The following DIAPH2 variants were observed in gnomAD, a reference collection of about 807,000 sequenced individuals.
DIAPH2 encodes diaphanous related formin 2.
Under a neutral mutation model 92.7 loss-of-function variants are expected in DIAPH2, and 35 were observed. The observed-to-expected ratio is 0.38, with a 90% CI of 0.29 to 0.50. The LOEUF is 0.50. DIAPH2 is among the 20% of genes least tolerant of loss of function. The pLI is 0.94. For missense variants in DIAPH2, 701 were observed against 819.5 expected (o/e 0.86, Z 1.77); for synonymous variants, 301 against 280.4 (o/e 1.07, Z -0.73).
chrX:96,927,038 C>T (rs2065586698), intron 9 of DIAPH2, among the ~76,000 whole-genome samples: 1 of 110,932 alleles, frequency 9.0e-6, no homozygotes, highest in African/African-American at 3.3e-5. Flanking sequence ...TTTCTAAGAT[C>T]AGGAGAAATG....
At chrX:96,917,532 T>C (rs2065512980) in intron 8 of DIAPH2, among the ~76,000 whole-genome samples, 1 of 111,668 alleles carries the variant, frequency 9.0e-6, no homozygotes, top group Non-Finnish European at 1.9e-5. Flanking sequence ...TTTATACATG[T>C]GTAAGAAATA....
At chrX:97,144,634 A>G (rs1368324402) in intron 22 of DIAPH2, among the ~76,000 whole-genome samples, 1 of 110,556 alleles carries the variant, frequency 9.0e-6, no homozygotes, top group African/African-American at 3.3e-5. Context: ...ATATATATAT[A>G]TATATTTTAT....
At chrX:97,437,897 G>T (rs1166038985) in intron 26 of DIAPH2, among the ~76,000 whole-genome samples, 1 of 109,437 alleles carries the variant, frequency 9.1e-6, no homozygotes, top group Non-Finnish European at 1.9e-5. Context: ...CAAATGAGAG[G>T]GTTGAGGATG....
chrX:97,045,807 AG>A (rs1409910830), intron 17 of DIAPH2, among the ~76,000 whole-genome samples: 6 of 107,761 alleles, frequency 5.6e-5, no homozygotes, highest in Non-Finnish European at 9.6e-5. Context: ...AGCATGGAGA[AG>A]GTGGTATGTG....
intron 26 of DIAPH2, among the ~76,000 whole-genome samples, chrX:97,544,930 G>A (rs1241390805): frequency 9.0e-6 from 1 of 111,190 alleles, no homozygotes; most frequent in African/African-American, 3.3e-5. Flanking sequence ...GACCTACTAT[G>A]TACACAAGCA....
intron 22 of DIAPH2, among the ~76,000 whole-genome samples, chrX:97,182,582 A>G (rs2067548724): frequency 8.9e-6 from 1 of 111,908 alleles, no homozygotes; most frequent in Non-Finnish European, 1.9e-5. Flanking sequence ...CCATGAAAGA[A>G]GAACCTAAAC....
chrX:96,865,897 G>T (rs1276046949), intron 4 of DIAPH2, among the ~76,000 whole-genome samples: 1 of 111,721 alleles, frequency 9.0e-6, no homozygotes, highest in Non-Finnish European at 1.9e-5. Flanking sequence ...CAGGCATAGG[G>T]CCAGACACTT....
At chrX:97,170,624 A>C (rs1226748703) in intron 22 of DIAPH2, among the ~76,000 whole-genome samples, 1 of 111,481 alleles carries the variant, frequency 9.0e-6, no homozygotes, top group Admixed American at 9.6e-5. Context: ...AAAGCTCTTA[A>C]ATTTTCAACA....
intron 26 of DIAPH2, among the ~76,000 whole-genome samples, chrX:97,445,134 A>T (rs1047117248): frequency 3.0e-4 from 33 of 110,584 alleles, no homozygotes; most frequent in Non-Finnish European, 5.7e-4. Context: ...AATTGAAATA[A>T]TGTTTTTTTG....
intron 26 of DIAPH2, chrX:97,442,180 C>T (rs1461451179): frequency 8.9e-6 from 1 of 112,908 alleles, no homozygotes; most frequent in Non-Finnish European, 1.9e-5. Flanking sequence ...ATGATTATAG[C>T]AGGCTTTCTT....
intron 21 of DIAPH2, among the ~76,000 whole-genome samples, chrX:97,131,681 C>T (rs1457215507): frequency 8.9e-6 from 1 of 112,468 alleles, no homozygotes; most frequent in African/African-American, 3.2e-5. Context: ...AACCATCTAA[C>T]ACCAACAAAC....
intron 22 of DIAPH2, among the ~76,000 whole-genome samples, chrX:97,178,859 G>T: frequency 9.0e-6 from 1 of 110,643 alleles, no homozygotes; most frequent in Non-Finnish European, 1.9e-5. Flanking sequence ...GAGGGAGTGG[G>T]TTCATTTTCT....
chrX:97,363,004 C>T (rs761245425), intron 24 of DIAPH2, among the ~76,000 whole-genome samples: 1 of 112,349 alleles, frequency 8.9e-6, no homozygotes, highest in African/African-American at 3.2e-5. Context: ...TTTATACAAA[C>T]CCGAACTATT....
At chrX:96,948,697 AT>A (rs1180591734) in intron 14 of DIAPH2, among the ~76,000 whole-genome samples, 2 of 111,059 alleles carry the variant, frequency 1.8e-5, no homozygotes, top group African/African-American at 3.3e-5. Context: ...TTGTCTTTGT[AT>A]TTTTTTTCAG....
chrX:96,754,561 T>C (rs766328929), intron 3 of DIAPH2, among the ~76,000 whole-genome samples: 7 of 110,843 alleles, frequency 6.3e-5, no homozygotes, highest in East Asian at 2.9e-4. Context: ...AAGGAAAAAT[T>C]TGGCAAAAAT....
At chrX:97,252,996 A>C (rs2068201621) in intron 23 of DIAPH2, among the ~76,000 whole-genome samples, 2 of 111,395 alleles carry the variant, frequency 1.8e-5, no homozygotes, top group Non-Finnish European at 3.8e-5. Flanking sequence ...GTTTTAGAAA[A>C]CCACAAGGGG....
chrX:96,819,559 C>T (rs1056296512), intron 4 of DIAPH2, among the ~76,000 whole-genome samples: 1 of 111,940 alleles, frequency 8.9e-6, no homozygotes, highest in Non-Finnish European at 1.9e-5. Context: ...TTTTCCATTA[C>T]AAGTGTTTCT....
intron 11 of DIAPH2, among the ~76,000 whole-genome samples, chrX:96,938,490 A>G (rs940354337): frequency 8.0e-5 from 9 of 111,903 alleles, no homozygotes; most frequent in African/African-American, 2.6e-4. Flanking sequence ...CTTTAGCACA[A>G]CACTCTTATG....
At chrX:96,930,865 A>G (rs1266159708) in intron 10 of DIAPH2, 22 bp downstream of exon 10, 1 of 1,150,975 alleles carries the variant, frequency 8.7e-7, no homozygotes, top group East Asian at 3.2e-5. Flanking sequence ...GTATACATTT[A>G]TTATGCTGAT....
Sources: gnomAD v4.1 joint callset for allele counts (sites outside exome capture counted in the v4.1 genomes callset) on GRCh38, gnomAD v4.1.1 for gene constraint, MANE v1.5 for transcripts, NCBI Gene and HGNC (gene_info 2026-07-23, HGNC 2026-07-21) for gene names.